ZNF469: variants seen among roughly 807,000 people sequenced by gnomAD.
ZNF469 encodes zinc finger protein 469.
ZNF469 carries 1 observed loss-of-function variant against 1.0 expected under a neutral mutation model. The ratio of observed to expected loss-of-function variants is 1.00; its 90% CI spans 0.35 to 4.73. The LOEUF (loss-of-function observed/expected upper bound fraction) is 4.73, where lower values mean the gene tolerates loss of function less well. ZNF469 is among the 30% of genes most tolerant of loss of function. The probability of loss-of-function intolerance (pLI) is 0.16; values close to 1 mark genes in which losing one functional copy is unlikely to be tolerated. For missense variants in ZNF469, 6,100 were observed against 5,356.3 expected (o/e 1.14, Z -4.33); for synonymous variants, 2,703 against 2,363.4 (o/e 1.14, Z -4.17).
At chr16:88,114,231 A>T in the ZNF469 span, among the ~76,000 whole-genome samples, 1 of 144,804 alleles carries the variant, frequency 6.9e-6, no homozygotes, top group Non-Finnish European at 1.5e-5. Context: ...GGGGAGAATG[A>T]CAGGGACCAC....
the ZNF469 span, among the ~76,000 whole-genome samples, chr16:88,360,730 G>A: frequency 1.6e-4 from 21 of 131,454 alleles, no homozygotes; most frequent in East Asian, 3.3e-3. Context: ...GACAGCGCCC[G>A]CATGCTCCCT....
chr16:88,243,392 G>A, the ZNF469 span, among the ~76,000 whole-genome samples: 1 of 152,210 alleles, frequency 6.6e-6, no homozygotes, highest in African/African-American at 2.4e-5. Flanking sequence ...TGGGATGTAA[G>A]ATATACCCAC....
At chr16:88,425,607 A>G (rs1443679703) in intron 2 of ZNF469, among the ~76,000 whole-genome samples, 1 of 152,198 alleles carries the variant, frequency 6.6e-6, no homozygotes, top group South Asian at 2.1e-4. Flanking sequence ...TCAGGGCGAC[A>G]ATCACAGATC....
chr16:88,339,040 A>T, the ZNF469 span, among the ~76,000 whole-genome samples: 4 of 150,470 alleles, frequency 2.7e-5, no homozygotes, highest in East Asian at 8.1e-4. Context: ...CCTGAGCTGG[A>T]CTCCCCAGGG....
chr16:88,423,962 G>T (rs1157622164), intron 1 of ZNF469, among the ~76,000 whole-genome samples: 1 of 152,272 alleles, frequency 6.6e-6, no homozygotes, highest in Admixed American at 6.5e-5. Flanking sequence ...ACCTCTTGAA[G>T]GGAGGAGTGT....
At chr16:88,345,307 AC>A in the ZNF469 span, among the ~76,000 whole-genome samples, 1 of 152,236 alleles carries the variant, frequency 6.6e-6, no homozygotes, top group African/African-American at 2.4e-5. Context: ...AGCTGCCACC[AC>A]ACACAGGGCT....
At chr16:88,405,573 G>A (rs1275513221) in intron 1 of ZNF469, among the ~76,000 whole-genome samples, 2 of 152,216 alleles carry the variant, frequency 1.3e-5, no homozygotes, top group Admixed American at 6.5e-5. Context: ...GGAAGGGCTG[G>A]GGAGTGAGTG....
chr16:88,264,632 C>T, the ZNF469 span, among the ~76,000 whole-genome samples: 10 of 151,680 alleles, frequency 6.6e-5, no homozygotes, highest in Non-Finnish European at 2.9e-5. Flanking sequence ...CCCTCCCCAG[C>T]ACCACCGCCT....
At chr16:88,133,701 C>G in the ZNF469 span, among the ~76,000 whole-genome samples, 5 of 150,052 alleles carry the variant, frequency 3.3e-5, no homozygotes, top group African/African-American at 9.9e-5. Context: ...AATTAATTAA[C>G]TAACTTAACA....
At chr16:88,324,572 A>C in the ZNF469 span, among the ~76,000 whole-genome samples, 11 of 152,360 alleles carry the variant, frequency 7.2e-5, no homozygotes, top group East Asian at 1.7e-3. Flanking sequence ...AGGTTTACTT[A>C]AGCGGCCGTG....
At chr16:88,122,550 C>G in the ZNF469 span, among the ~76,000 whole-genome samples, 1 of 151,906 alleles carries the variant, frequency 6.6e-6, no homozygotes, top group African/African-American at 2.4e-5. Context: ...GGCAGCCACT[C>G]AGATGGCACT....
chr16:88,315,328 C>T, the ZNF469 span, among the ~76,000 whole-genome samples: 55,259 of 152,088 alleles, frequency 0.36, 11,291 homozygotes, highest in Middle Eastern at 0.48. Flanking sequence ...AAAGCAGGGC[C>T]ACCATCCTGT....
chr16:88,303,270 A>G, the ZNF469 span, among the ~76,000 whole-genome samples: 1 of 152,200 alleles, frequency 6.6e-6, no homozygotes, highest in Non-Finnish European at 1.5e-5. Flanking sequence ...TTAAAGTGAA[A>G]TCAAGGTAAC....
At chr16:88,123,504 G>A in the ZNF469 span, among the ~76,000 whole-genome samples, 3 of 152,136 alleles carry the variant, frequency 2.0e-5, no homozygotes, top group Non-Finnish European at 4.4e-5. Flanking sequence ...CTGTTGTTAG[G>A]AATAAACTGC....
the ZNF469 span, among the ~76,000 whole-genome samples, chr16:88,222,844 C>A: frequency 1.3e-5 from 2 of 152,180 alleles, no homozygotes; most frequent in African/African-American, 4.8e-5. Context: ...AACGATCCTT[C>A]CACCTTGGCC....
chr16:88,114,846 C>T, the ZNF469 span, among the ~76,000 whole-genome samples: 1 of 152,234 alleles, frequency 6.6e-6, no homozygotes, highest in Admixed American at 6.5e-5. Context: ...GTGGCTGCCG[C>T]ACTGAGAATT....
chr16:88,119,238 A>G, the ZNF469 span, among the ~76,000 whole-genome samples: 1 of 152,186 alleles, frequency 6.6e-6, no homozygotes, highest in Non-Finnish European at 1.5e-5. Flanking sequence ...AGCTCTGGGC[A>G]CCCTGGGAAG....
the ZNF469 span, among the ~76,000 whole-genome samples, chr16:88,295,507 G>A: frequency 6.6e-6 from 1 of 152,150 alleles, no homozygotes; most frequent in Non-Finnish European, 1.5e-5. Flanking sequence ...CAGGGCTCAG[G>A]GTCTGGAGAG....
At chr16:88,148,704 G>T in the ZNF469 span, among the ~76,000 whole-genome samples, 6 of 152,154 alleles carry the variant, frequency 3.9e-5, no homozygotes, top group East Asian at 1.2e-3. Flanking sequence ...CCCTGTCTCA[G>T]GCGTCTGCCA....
Sources: gnomAD v4.1 joint callset for allele counts (sites outside exome capture counted in the v4.1 genomes callset) on GRCh38, gnomAD v4.1.1 for gene constraint, MANE v1.5 for transcripts, NCBI Gene and HGNC (gene_info 2026-07-23, HGNC 2026-07-21) for gene names.